PCDHGB7: variants seen among roughly 807,000 people sequenced by gnomAD.
PCDHGB7 encodes the protein protocadherin gamma subfamily B, 7.
In PCDHGB7, 37 loss-of-function variants were observed where a neutral mutation model predicts 61.4. The observed-to-expected ratio is 0.60, with a 90% confidence interval of 0.46 to 0.79. The LOEUF (loss-of-function observed/expected upper bound fraction) is 0.79. PCDHGB7 is among the 30% of genes least tolerant of loss of function. The pLI is 0.00. For synonymous variants in PCDHGB7, 464 were observed against 503.5 expected (o/e 0.92, Z 1.05); for missense variants, 1,166 against 1,202.5 (o/e 0.97, Z 0.45).
chr5:141,491,537 C>T lies in PCDHGB7; in HGVS notation c.2416-3270C>T, dbSNP rs1330469043. The T allele has an allele frequency of 3.1e-6, 5 of 1,613,908 alleles. No homozygotes were observed. The highest frequency in any genetic ancestry group is 4.2e-6 in the Non-Finnish European group (5 of 1,180,020). On this transcript the variant is annotated intron_variant, in intron 1 of 3. Transcript: ENST00000398594. This position sits in a 1 kb window ranked among gnomAD's most constrained non-coding sequence, Gnocchi z 6.9. ...AAGTACATGGAGGTGACGCTGCGGC[C>T]CACAGACTCGCAGAGCCACTGCTAC...
chr5:141,490,942 C>A lies in PCDHGB7; in HGVS notation c.2416-3865C>A, dbSNP rs371286343. On this transcript the variant is annotated intron_variant, in intron 1 of 3. Coordinates refer to ENST00000398594, the MANE Select transcript of PCDHGB7 (RefSeq NM_018927.4). This position sits in a 1 kb window ranked among gnomAD's most constrained non-coding sequence, Gnocchi z 5.4. ...TAATGCCCCAGCTGTGCTGCACCCA[C>A]GGCCAGACTGGGAACACTCAGCCCC... The A allele has an allele frequency of 3.0e-5, 49 of 1,613,526 alleles. No individual in the cohort carries two copies. The highest frequency in any genetic ancestry group is 4.1e-5 in the Non-Finnish European group (48 of 1,179,768).
At chr5:141,427,958 G>A (rs1266312663) in intron 1 of PCDHGB7, 3 of 1,588,290 alleles carry the variant, frequency 1.9e-6, no homozygotes, top group Admixed American at 1.7e-5. Context: ...ACAATGTGCC[G>A]CGGGTGCTGT....
At chr5:141,502,946 C>T (rs900624216) in intron 2 of PCDHGB7, among the ~76,000 whole-genome samples, 13 of 145,572 alleles carry the variant, frequency 8.9e-5, no homozygotes, top group African/African-American at 2.6e-4. Flanking sequence ...TGGGTTCAAG[C>T]GATTCTCCTG....
chr5:141,454,010 G>A (rs998092071), intron 1 of PCDHGB7, among the ~76,000 whole-genome samples: 2 of 152,146 alleles, frequency 1.3e-5, no homozygotes, highest in African/African-American at 4.8e-5. Context: ...TAACATTTTA[G>A]AAAAATGTAT....
chr5:141,426,642 G>T, intron 1 of PCDHGB7: 1 of 411,420 alleles, frequency 2.4e-6, no homozygotes, highest in South Asian at 1.7e-5. Context: ...TCACATAAAT[G>T]TGATGATAGA....
chr5:141,420,010 GTC>G lies in PCDHGB7; in HGVS notation c.2153_2154del (p.Ser718PhefsTer10). ...TAGCTATTGCTCTACGCCTGCGACA[GTC>G]TTTCAGCCCTACTGCAGGAGACTGC... ...ILAIALRLRQSFSPTAGDCFE... is the reference protein window; with the variant it reads ...ILAIALRLRQXFSPTAGDCFE... On this transcript the variant is annotated frameshift_variant, in exon 1 of 4. Coordinates refer to ENST00000398594, the MANE Select transcript of PCDHGB7 (RefSeq NM_018927.4). LOFTEE classifies it high-confidence loss of function. The G allele has an allele frequency of 6.2e-7, 1 of 1,614,088 alleles. No individual in the cohort carries two copies. Among genetic ancestry groups the G allele is most frequent in the South Asian group, 1.1e-5 (1 of 91,092 alleles).
chr5:141,464,680 A>T (rs747974832), intron 1 of PCDHGB7, among the ~76,000 whole-genome samples: 1 of 152,144 alleles, frequency 6.6e-6, no homozygotes, highest in African/African-American at 2.4e-5. Context: ...TTTTAATTAA[A>T]ATTTCTCTTA....
Position 141,489,492 on chromosome 5 carries a change from G to C in PCDHGB7, c.2416-5315G>C. On this transcript the variant is annotated intron_variant, in intron 1 of 3. Coordinates refer to ENST00000398594, the MANE Select transcript of PCDHGB7 (RefSeq NM_018927.4). This position sits in a 1 kb window ranked among gnomAD's most constrained non-coding sequence, Gnocchi z 4.5. The stretch of plus-strand genomic sequence containing the variant: ...CCCTGAGCTTGATGAGTGGTGCCCT[G>C]GCAGTGAATCAAAAGATTGACCGAG... The C allele has an allele frequency of 6.2e-7, 1 of 1,614,042 alleles. No homozygotes were observed. The highest frequency in any genetic ancestry group is 8.5e-7 in the Non-Finnish European group (1 of 1,180,034).
rs2099641960 is a variant in PCDHGB7 at position 141,487,259 on chromosome 5, T to C, written c.2416-7548T>C. On this transcript the variant is annotated intron_variant, in intron 1 of 3. Coordinates refer to ENST00000398594, the MANE Select transcript of PCDHGB7 (RefSeq NM_018927.4). This position sits in a 1 kb window ranked among gnomAD's most constrained non-coding sequence, Gnocchi z 5.0. ...TCGTCTAACCCTCTACTTGGCTGTG[T>C]CCCTAGTGGCAATTTGCTTTGTCTC... 6.2e-7 allele frequency: 1 copy of C among 1,614,132 alleles called. No homozygotes were observed. Among genetic ancestry groups the C allele is most frequent in the Non-Finnish European group, 8.5e-7 (1 of 1,180,012 alleles).
Position 141,477,167 on chromosome 5 carries a change from G to C in PCDHGB7, c.2416-17640G>C. The C allele has an allele frequency of 6.2e-7, 1 of 1,614,166 alleles. No individual in the cohort carries two copies. Among genetic ancestry groups the C allele is most frequent in the South Asian group, 1.1e-5 (1 of 91,076 alleles). ...TGTGGATGTGAATGACAACGCCCCG[G>C]AGATCACAGTCACCTCCGTGTACAG... On this transcript the variant is annotated intron_variant, in intron 1 of 3. Coordinates refer to ENST00000398594, the MANE Select transcript of PCDHGB7 (RefSeq NM_018927.4). The surrounding 1 kb of genome is among the most constrained non-coding windows in gnomAD (Gnocchi z 4.9).
In PCDHGB7 at chr5:141,511,259, A is replaced by G; in HGVS notation, c.*86A>G. On this transcript the variant is annotated 3_prime_UTR_variant, in exon 4 of 4. Transcript: ENST00000398594. ...ACCTGCACCCAGGCCTCAGAGTTTCAGGGCTAACCCCCAGAATACTGGTAG... is the reference window on the plus strand; with the variant it reads ...ACCTGCACCCAGGCCTCAGAGTTTCGGGGCTAACCCCCAGAATACTGGTAG... 1.3e-6 allele frequency: 2 copies of G among 1,559,840 alleles called. No individual in the cohort carries two copies. The highest frequency in any genetic ancestry group is 1.7e-6 in the Non-Finnish European group (2 of 1,152,466).
intron 1 of PCDHGB7, among the ~76,000 whole-genome samples, chr5:141,473,698 T>A (rs2099327181): frequency 6.6e-6 from 1 of 152,166 alleles, no homozygotes; most frequent in Non-Finnish European, 1.5e-5. Context: ...CTGACCACCC[T>A]CCAAGTGGTG....
rs779686795 is a variant in PCDHGB7 at position 141,476,566 on chromosome 5, G to C, written c.2416-18241G>C. The stretch of plus-strand genomic sequence containing the variant: ...TGGAGATTAGCGAGGCCGTGGCTCC[G>C]GGGACGCGCTTTCCGCTCGAGAGCG... On this transcript the variant is annotated intron_variant, in intron 1 of 3. Transcript: ENST00000398594. This position sits in a 1 kb window ranked among gnomAD's most constrained non-coding sequence, Gnocchi z 7.6. 1.2e-6 allele frequency: 2 copies of C among 1,614,180 alleles called. No homozygotes were observed. The highest frequency in any genetic ancestry group is 1.7e-5 in the Admixed American group (1 of 60,030).
In PCDHGB7 at chr5:141,418,985, T is replaced by C; in HGVS notation, c.1126T>C (p.Ser376Pro). The change falls in exon 1 of 4, where the codon TCA becomes CCA. Residue 376 changes from serine (S) to proline (P), a missense_variant. By Grantham distance (74) the Ser-to-Pro change is moderately conservative. Coordinates refer to ENST00000398594, the MANE Select transcript of PCDHGB7 (RefSeq NM_018927.4). ...CCTCTTCAAAACACGGGACCAAGACTCAGGGGAAAATGGGGAAGTCAGGTG... is the reference window on the plus strand; with the variant it reads ...CCTCTTCAAAACACGGGACCAAGACCCAGGGGAAAATGGGGAAGTCAGGTG... ...VALFKTRDQD[S>P]GENGEVRCSL... is the part of the protein sequence containing the mutation. The C allele has an allele frequency of 6.2e-7, 1 of 1,613,882 alleles. No individual in the cohort carries two copies. The highest frequency in any genetic ancestry group is 8.5e-7 in the Non-Finnish European group (1 of 1,179,866).
At chr5:141,464,035 C>T (rs564886798) in intron 1 of PCDHGB7, among the ~76,000 whole-genome samples, 1 of 152,066 alleles carries the variant, frequency 6.6e-6, no homozygotes, top group African/African-American at 2.4e-5. Context: ...GAGGCCAAGG[C>T]GGGTGGATCA....
At position 141,444,152 on chromosome 5, in the gene PCDHGB7, A is replaced by ATTTTTTTTTTT. The variant is rs747671382; in HGVS notation, c.2415+23904_2415+23914dup. 8.9e-5 allele frequency among the ~76,000 whole-genome samples: 3 copies of ATTTTTTTTTTT among 33,898 alleles called. 1 individual carries two copies. Among genetic ancestry groups the ATTTTTTTTTTT allele is most frequent in the African/African-American group, 4.2e-4 (3 of 7,184 alleles). 22.2% of individuals were successfully genotyped at this position (33,898 alleles called of 152,430 possible). On this transcript the variant is annotated intron_variant, in intron 1 of 3. Transcript: ENST00000398594. Reference sequence around the variant, plus strand: ...GATATGTGTCACTTGTGTGTACTGGATTTTTTTTTTTTTTTTTTTTTTTTT... The same window carrying ATTTTTTTTTTT: ...GATATGTGTCACTTGTGTGTACTGGATTTTTTTTTTTTTTTTTTTTTTTTTTTTTTTTTTTT...
At position 141,485,831 on chromosome 5, in the gene PCDHGB7, C is replaced by A; in HGVS notation, c.2416-8976C>A. The A allele has an allele frequency of 6.2e-7, 1 of 1,614,080 alleles. No individual in the cohort carries two copies. Among genetic ancestry groups the A allele is most frequent in the Non-Finnish European group, 8.5e-7 (1 of 1,180,026 alleles). ...GCTGACTGCTGTCGATGGAGGGAAC[C>A]CGCCGAGATCTGGCACCGCAGAGCT... On this transcript the variant is annotated intron_variant, in intron 1 of 3. Coordinates refer to ENST00000398594, the MANE Select transcript of PCDHGB7 (RefSeq NM_018927.4). The surrounding 1 kb of genome is among the most constrained non-coding windows in gnomAD (Gnocchi z 5.7).
At position 141,490,276 on chromosome 5, in the gene PCDHGB7, A is replaced by T; in HGVS notation, c.2416-4531A>T. 1 of 1,614,236 alleles carries T rather than the reference A, an allele frequency of 6.2e-7. No individual in the cohort carries two copies. Among genetic ancestry groups the T allele is most frequent in the Non-Finnish European group, 8.5e-7 (1 of 1,180,036 alleles). On this transcript the variant is annotated intron_variant, in intron 1 of 3. Transcript: ENST00000398594. This position sits in a 1 kb window ranked among gnomAD's most constrained non-coding sequence, Gnocchi z 5.4. ...AGTGGATGTGGGGGATGTCAATGACAATGCCCCAGAGGTGCTATTGGCCTC... is the reference window on the plus strand; with the variant it reads ...AGTGGATGTGGGGGATGTCAATGACTATGCCCCAGAGGTGCTATTGGCCTC...
At chr5:141,420,474 C>T in intron 1 of PCDHGB7, 200 bp downstream of exon 1, 1 of 677,328 alleles carries the variant, frequency 1.5e-6, no homozygotes, top group Non-Finnish European at 2.1e-6. Context: ...CATTTTAAAG[C>T]AAACTACATG....
Sources: allele counts gnomAD v4.1 joint callset (sites outside exome capture counted in the v4.1 genomes callset), GRCh38; gene constraint gnomAD v4.1.1; non-coding constraint Gnocchi (gnomAD v3.1); transcripts MANE v1.5; gene names NCBI Gene and HGNC (gene_info 2026-07-23, HGNC 2026-07-21).